The following ZMIZ1 variants were observed in gnomAD, a reference collection of about 807,000 sequenced individuals.
ZMIZ1 encodes zinc finger MIZ domain-containing protein 1.
Under a neutral mutation model 113.9 loss-of-function variants are expected in ZMIZ1, and 17 were observed. That is an observed-to-expected ratio of 0.15 (90% CI 0.10 to 0.22). The LOEUF (loss-of-function observed/expected upper bound fraction) is 0.22. Ranked by LOEUF, ZMIZ1 falls within the 10% of genes least tolerant of loss-of-function variation. The pLI is 1.00. For missense variants in ZMIZ1, 1,059 were observed against 1,477.8 expected, an observed-to-expected ratio of 0.72 and a Z score of 4.65; for synonymous variants, 607 against 603.1, an observed-to-expected ratio of 1.01 and a Z score of -0.09.
chr10:79,153,022 G>A (rs915481015), intron 3 of ZMIZ1, among the ~76,000 whole-genome samples: 1 of 152,246 alleles, frequency 6.6e-6, no homozygotes, highest in Non-Finnish European at 1.5e-5. Flanking sequence ...GGCAGGTGAA[G>A]GGTGACTCCC....
chr10:79,313,652 C>A lies in ZMIZ1; in HGVS notation c.*903C>A. 4.0e-6 allele frequency: 1 copy of A among 250,908 alleles called. No homozygotes were observed. Among genetic ancestry groups the A allele is most frequent in the Non-Finnish European group, 7.9e-6 (1 of 126,656 alleles). 15.5% of individuals were successfully genotyped at this position (250,908 alleles called of 1,614,324 possible). Reference sequence around the variant, plus strand: ...AGGAGCGGCAACTTCTAACTTTGCTCCAAGCCACTCTCTTTTTAAACAGCA... The same window carrying A: ...AGGAGCGGCAACTTCTAACTTTGCTACAAGCCACTCTCTTTTTAAACAGCA... On this transcript the variant is annotated 3_prime_UTR_variant, in exon 25 of 25. Coordinates refer to ENST00000334512, the MANE Select transcript of ZMIZ1 (RefSeq NM_020338.4).
chr10:79,299,096 CGTG>C lies in ZMIZ1; in HGVS notation c.1717_1719del (p.Val573del). On this transcript the variant is annotated inframe_deletion, in exon 16 of 25. Coordinates refer to ENST00000334512, the MANE Select transcript of ZMIZ1 (RefSeq NM_020338.4). ...GGCTCACATTCCCTGTGCGGGATGGCGTGGTGCTGGAGCCCTTCCGCCTGGAGC... is the reference window on the plus strand; with the variant it reads ...GGCTCACATTCCCTGTGCGGGATGGCGTGCTGGAGCCCTTCCGCCTGGAGC... 6.2e-7 allele frequency: 1 copy of C among 1,612,572 alleles called. No homozygotes were observed.
At chr10:79,159,829 C>G (rs1180864852) in intron 3 of ZMIZ1, among the ~76,000 whole-genome samples, 1 of 152,214 alleles carries the variant, frequency 6.6e-6, no homozygotes, top group East Asian at 1.9e-4. Flanking sequence ...GTCCCTTCCC[C>G]TCTCTGATCT....
intron 3 of ZMIZ1, among the ~76,000 whole-genome samples, chr10:79,141,011 G>C (rs1032382512): frequency 2.0e-5 from 3 of 152,160 alleles, no homozygotes. Context: ...TTTGAAGACA[G>C]AGCCAATTTA....
intron 1 of ZMIZ1, among the ~76,000 whole-genome samples, chr10:79,092,192 T>C (rs1366388660): frequency 1.3e-5 from 2 of 152,208 alleles, no homozygotes; most frequent in Non-Finnish European, 2.9e-5. Context: ...ACCCAGCCTG[T>C]CTGCCTGCTG....
chr10:79,233,122 G>A (rs1219072520), intron 7 of ZMIZ1, among the ~76,000 whole-genome samples: 2 of 152,350 alleles, frequency 1.3e-5, no homozygotes, highest in Admixed American at 6.5e-5. Context: ...GGGGCCCAAG[G>A]GGGGTGTGGG....
chr10:79,134,432 C>A (rs1844904859), intron 2 of ZMIZ1, among the ~76,000 whole-genome samples: 1 of 152,220 alleles, frequency 6.6e-6, no homozygotes. Context: ...GTGGCTTTAT[C>A]TGCTGCTGGA....
chr10:79,094,127 G>A (rs188386747), intron 1 of ZMIZ1, among the ~76,000 whole-genome samples: 63 of 152,342 alleles, frequency 4.1e-4, no homozygotes, highest in Non-Finnish European at 8.1e-4. Context: ...GACAGAAAGG[G>A]CCTAATTGAG....
chr10:79,298,988 A>G, intron 15 of ZMIZ1, 62 bp from the exon 16 acceptor site: 3 of 1,547,320 alleles, frequency 1.9e-6, no homozygotes, highest in Non-Finnish European at 2.6e-6. Context: ...AGTCCCACCT[A>G]CAGCCCCAGA....
In ZMIZ1 at chr10:79,079,912, G is replaced by T. The variant is rs149056575; in HGVS notation, c.-337+10642G>T. On this transcript the variant is annotated intron_variant, in intron 1 of 24. Transcript: ENST00000334512. ...GCTGCATTTTGTGGGTCCCGCCCAG[G>T]TTCATGGTTCCTCTTCGGGGGCTGT... 2.6e-5 allele frequency among the ~76,000 whole-genome samples: 4 copies of T among 152,338 alleles called. No homozygotes were observed. In the East Asian group the frequency reaches 7.7e-4, roughly 29 times the overall value.
intron 1 of ZMIZ1, among the ~76,000 whole-genome samples, chr10:79,085,598 C>T (rs544204491): frequency 2.0e-5 from 3 of 152,336 alleles, no homozygotes; most frequent in African/African-American, 7.2e-5. Context: ...CTCCCATGGC[C>T]ACCAGGAGGG....
At chr10:79,250,653 G>T (rs746922471) in intron 7 of ZMIZ1, among the ~76,000 whole-genome samples, 2 of 152,236 alleles carry the variant, frequency 1.3e-5, no homozygotes, top group Non-Finnish European at 2.9e-5. Context: ...TAGTTTGTCA[G>T]GGTCTGTGAG....
chr10:79,120,904 G>A (rs1257409969), intron 2 of ZMIZ1, among the ~76,000 whole-genome samples: 2 of 152,166 alleles, frequency 1.3e-5, no homozygotes, highest in African/African-American at 2.4e-5. Flanking sequence ...TCTCCCACCT[G>A]CACTTCCCTG....
intron 1 of ZMIZ1, among the ~76,000 whole-genome samples, chr10:79,092,229 A>T (rs1371508755): frequency 6.6e-6 from 1 of 152,152 alleles, no homozygotes; most frequent in Non-Finnish European, 1.5e-5. Context: ...AGACACAGGG[A>T]GGGGAAGTTC....
At chr10:79,312,519 T>A in intron 24 of ZMIZ1, 123 bp from the exon 25 acceptor site, 4 of 1,022,050 alleles carry the variant, frequency 3.9e-6, no homozygotes, top group Middle Eastern at 2.1e-4. Context: ...CTCTACCCCT[T>A]TTTTTGGCTA....
chr10:79,202,210 AAAAAG>A (rs533853730), intron 5 of ZMIZ1, among the ~76,000 whole-genome samples: 24,581 of 106,550 alleles, frequency 0.23, 1,850 homozygotes, highest in Non-Finnish European at 0.31. Context: ...AAAAAAAAAA[AAAAAG>A]AAAGAAAGAA....
intron 4 of ZMIZ1, among the ~76,000 whole-genome samples, chr10:79,164,125 C>A (rs10824724): frequency 0.19 from 29,458 of 152,156 alleles, 3,196 homozygotes; most frequent in Middle Eastern, 0.24. Flanking sequence ...GTGTCCTAGA[C>A]ACGGCTGGGG....
At chr10:79,095,608 CT>C (rs1843142235) in intron 1 of ZMIZ1, among the ~76,000 whole-genome samples, 1 of 152,080 alleles carries the variant, frequency 6.6e-6, no homozygotes, top group Non-Finnish European at 1.5e-5. Context: ...TGCTTCCCAT[CT>C]TCTCCAGGCG....
chr10:79,081,667 C>T (rs1842662520), intron 1 of ZMIZ1, among the ~76,000 whole-genome samples: 2 of 152,200 alleles, frequency 1.3e-5, no homozygotes, highest in East Asian at 1.9e-4. Context: ...TCTGCCTGGC[C>T]CTGCCCCCTG....
Sources: allele counts gnomAD v4.1 joint callset (sites outside exome capture counted in the v4.1 genomes callset), GRCh38; gene constraint gnomAD v4.1.1; transcripts MANE v1.5; gene names NCBI Gene and HGNC (gene_info 2026-07-23, HGNC 2026-07-21).